Variants in SPON1 observed in about 807,000 individuals in gnomAD.
SPON1 encodes the protein spondin 1.
Under a neutral mutation model 111.7 loss-of-function variants are expected in SPON1, and 52 were observed. That is an observed-to-expected ratio of 0.47 (90% CI 0.37 to 0.59). The LOEUF (loss-of-function observed/expected upper bound fraction) is 0.59. Among genes scored for constraint, SPON1 ranks in the 20% least tolerant of loss-of-function variants. The probability of loss-of-function intolerance (pLI) is 0.00; values close to 1 mark genes in which losing one functional copy is unlikely to be tolerated. For synonymous variants in SPON1, 410 were observed against 395.8 expected (o/e 1.04, Z -0.43); for missense variants, 957 against 1,068.5 (o/e 0.90, Z 1.46).
In SPON1 at chr11:14,061,359, T is replaced by C. The variant is rs1038103902; in HGVS notation, c.480-13986T>C. Among the ~76,000 whole-genome samples the C allele has an allele frequency of 7.7e-4, 118 of 152,268 alleles. 4 individuals carry two copies. The highest frequency in any genetic ancestry group is 1.2e-3 in the Admixed American group (18 of 15,290). On this transcript the variant is annotated intron_variant, in intron 3 of 15. Transcript: ENST00000576479. ...CAACTATCATCTATCTGTCATTCTA[T>C]GTATCTATCATTCTATCCAATTATC...
At chr11:13,969,865 A>G (rs1212493282) in intron 1 of SPON1, among the ~76,000 whole-genome samples, 5 of 152,190 alleles carry the variant, frequency 3.3e-5, no homozygotes, top group Non-Finnish European at 7.3e-5. Flanking sequence ...GAAGAGAGCA[A>G]TGTTTCCTCA....
At position 14,208,127 on chromosome 11, in the gene SPON1, C is replaced by T. The variant is rs184167348; in HGVS notation, c.826-35205C>T. Among the ~76,000 whole-genome samples the T allele has an allele frequency of 1.2e-3, 186 of 152,318 alleles. 1 individual carries two copies. Among genetic ancestry groups the T allele is most frequent in the Admixed American group, 4.0e-3 (62 of 15,310 alleles). ...AACAGAAAACCAAATATCACATGTT[C>T]TCCCTTATAAATGGGAACTAAGTGA... On this transcript the variant is annotated intron_variant, in intron 6 of 15. Transcript: ENST00000576479.
At chr11:13,997,345 T>TC (rs782449832) in intron 2 of SPON1, among the ~76,000 whole-genome samples, 29 of 152,356 alleles carry the variant, frequency 1.9e-4, no homozygotes, top group Admixed American at 6.5e-4. Flanking sequence ...AATCATTAGA[T>TC]CATTGGACTA....
At chr11:14,009,532 G>T (rs1848388803) in intron 2 of SPON1, among the ~76,000 whole-genome samples, 1 of 152,140 alleles carries the variant, frequency 6.6e-6, no homozygotes, top group South Asian at 2.1e-4. Flanking sequence ...TATATGCTCT[G>T]TTATGTTCTC....
rs542889151 is a variant in SPON1 at position 14,222,401 on chromosome 11, A to G, written c.826-20931A>G. Reference sequence around the variant, plus strand: ...TTTTGAGACATACGGCAAAGATTCCATATACTGTTCCAGTGACCAGTGACC... The same window carrying G: ...TTTTGAGACATACGGCAAAGATTCCGTATACTGTTCCAGTGACCAGTGACC... On this transcript the variant is annotated intron_variant, in intron 6 of 15. Transcript: ENST00000576479. Among the ~76,000 whole-genome samples, 11 of 152,358 alleles carry G rather than the reference A, an allele frequency of 7.2e-5. No individual in the cohort carries two copies. In the South Asian group the frequency reaches 1.9e-3, roughly 26 times the overall value.
At chr11:14,254,972 C>T (rs1849090396) in intron 8 of SPON1, among the ~76,000 whole-genome samples, 1 of 152,192 alleles carries the variant, frequency 6.6e-6, no homozygotes, top group Non-Finnish European at 1.5e-5. Context: ...CAGGGGACAG[C>T]ATTCCAAAGC....
chr11:14,223,174 G>T (rs1359526315), intron 6 of SPON1, among the ~76,000 whole-genome samples: 1 of 152,170 alleles, frequency 6.6e-6, no homozygotes, highest in African/African-American at 2.4e-5. Context: ...AGACCAGCCT[G>T]CCCAACATGG....
At chr11:14,145,143 C>G (rs1463329924) in intron 6 of SPON1, among the ~76,000 whole-genome samples, 1 of 152,200 alleles carries the variant, frequency 6.6e-6, no homozygotes, top group Non-Finnish European at 1.5e-5. Flanking sequence ...TATGAAACCT[C>G]TTGTTTGCTT....
chr11:14,033,360 G>A (rs1554916280), intron 2 of SPON1, among the ~76,000 whole-genome samples: 1 of 152,196 alleles, frequency 6.6e-6, no homozygotes, highest in Non-Finnish European at 1.5e-5. Flanking sequence ...CCACCCACGT[G>A]TTAGAACGCT....
intron 1 of SPON1, among the ~76,000 whole-genome samples, chr11:13,972,627 T>C (rs1316404013): frequency 1.3e-5 from 2 of 152,210 alleles, no homozygotes; most frequent in African/African-American, 2.4e-5. Context: ...TTTAGCTAAA[T>C]AGTTTTGAAG....
chr11:14,055,492 G>A (rs1848738445), intron 3 of SPON1, among the ~76,000 whole-genome samples: 1 of 152,310 alleles, frequency 6.6e-6, no homozygotes, highest in African/African-American at 2.4e-5. Flanking sequence ...TGTAGATTAT[G>A]AGATCAGAAC....
intron 2 of SPON1, among the ~76,000 whole-genome samples, chr11:14,028,261 T>G (rs1291352991): frequency 1.3e-5 from 2 of 152,038 alleles, no homozygotes; most frequent in East Asian, 3.9e-4. Flanking sequence ...GCAGGAGGAT[T>G]GCTTGAACCC....
intron 11 of SPON1, among the ~76,000 whole-genome samples, chr11:14,258,278 A>G (rs376914076): frequency 6.6e-6 from 1 of 152,360 alleles, no homozygotes; most frequent in African/African-American, 2.4e-5. Context: ...TCTGTCATTT[A>G]CAGCCCCTCA....
At chr11:14,155,168 C>T (rs1353778467) in intron 6 of SPON1, among the ~76,000 whole-genome samples, 2 of 152,234 alleles carry the variant, frequency 1.3e-5, no homozygotes, top group Non-Finnish European at 2.9e-5. Context: ...TCTAAGCCCT[C>T]CAAATTGTTC....
At chr11:14,009,186 GT>G (rs1370515325) in intron 2 of SPON1, among the ~76,000 whole-genome samples, 1 of 152,308 alleles carries the variant, frequency 6.6e-6, no homozygotes, top group South Asian at 2.1e-4. Context: ...TTCAATAAAT[GT>G]TTGTTGAAGG....
intron 6 of SPON1, among the ~76,000 whole-genome samples, chr11:14,217,291 T>G (rs1848635535): frequency 6.6e-6 from 1 of 152,208 alleles, no homozygotes; most frequent in African/African-American, 2.4e-5. Flanking sequence ...GCCCTATTCC[T>G]GTCTGCTTTA....
intron 3 of SPON1, among the ~76,000 whole-genome samples, chr11:14,060,650 T>C (rs1848784752): frequency 6.6e-6 from 1 of 152,228 alleles, no homozygotes; most frequent in South Asian, 2.1e-4. Context: ...TGATCTCATC[T>C]GTCTGGGGTG....
At chr11:14,072,726 G>A (rs1036143422) in intron 3 of SPON1, among the ~76,000 whole-genome samples, 2 of 152,164 alleles carry the variant, frequency 1.3e-5, no homozygotes, top group African/African-American at 4.8e-5. Flanking sequence ...TAGCAAGAGA[G>A]CTTTATGGAA....
intron 5 of SPON1, among the ~76,000 whole-genome samples, chr11:14,130,352 T>C (rs1847514391): frequency 6.6e-6 from 1 of 152,178 alleles, no homozygotes; most frequent in African/African-American, 2.4e-5. Context: ...CCCTTGGTGG[T>C]AAATGGCATT....
Sources: gnomAD v4.1 joint callset for allele counts (sites outside exome capture counted in the v4.1 genomes callset) on GRCh38, gnomAD v4.1.1 for gene constraint, MANE v1.5 for transcripts, NCBI Gene and HGNC (gene_info 2026-07-23, HGNC 2026-07-21) for gene names.